Variants in MUC4 observed in about 807,000 individuals in gnomAD.
The protein encoded by MUC4 is mucin 4, cell surface associated, also known as mucin-4.
In MUC4, 202 loss-of-function variants were observed where a neutral mutation model predicts 257.9. The observed-to-expected ratio is 0.78, with a 90% CI of 0.70 to 0.88. The LOEUF is 0.88. Among genes scored for constraint, MUC4 ranks in the 40% least tolerant of loss-of-function variants. MUC4 has a pLI of 0.00. For synonymous variants in MUC4, 2,351 were observed against 2,757.1 expected, an observed-to-expected ratio of 0.85 and a Z score of 4.62; for missense variants, 5,976 against 6,513.7, an observed-to-expected ratio of 0.92 and a Z score of 2.84.
At chr3:195,806,718 G>A (rs1391175179) in intron 1 of MUC4, among the ~76,000 whole-genome samples, 1 of 152,224 alleles carries the variant, frequency 6.6e-6, no homozygotes, top group African/African-American at 2.4e-5. Flanking sequence ...GCTGTGTGCT[G>A]CAGTGAGTCA....
At chr3:195,765,911 G>A (rs190672864) in intron 8 of MUC4, among the ~76,000 whole-genome samples, 75 of 152,130 alleles carry the variant, frequency 4.9e-4, no homozygotes, top group African/African-American at 1.8e-3. Context: ...GCACACGGCA[G>A]GTGCCCAGTA....
chr3:195,788,588 C>G lies in MUC4; in HGVS notation c.2992G>C (p.Ala998Pro), dbSNP rs201513283. The stretch of plus-strand genomic sequence containing the variant: ...GCGTGACCTGTGGATACTGAGGAAG[C>G]ATCGGTGACATGAAGAGGGGTGGTG... ...GHTTPLHVTD[A>P]SSVSTGHATP... The change falls in exon 2 of 25, where the codon GCT becomes CCT. Residue 998 changes from alanine to proline, a missense_variant. Around this residue, in one of 44 missense-constraint regions of MUC4, gnomAD observed 1,583 missense variants for 1,257.4 expected, o/e 1.26. Coordinates refer to ENST00000463781, the MANE Select transcript of MUC4 (RefSeq NM_018406.7). 3.1e-6 allele frequency: 3 copies of G among 962,406 alleles called. No homozygotes were observed. The highest frequency in any genetic ancestry group is 4.0e-6 in the Non-Finnish European group (3 of 749,344). The allele number at this position is 962,406 out of a possible 1,614,324, so 59.6% of individuals were successfully genotyped here.
chr3:195,772,105 G>A (rs1723011096), intron 4 of MUC4, among the ~76,000 whole-genome samples: 1 of 152,144 alleles, frequency 6.6e-6, no homozygotes, highest in African/African-American at 2.4e-5. Context: ...ACCCCTCTTG[G>A]CCAGTCCCCT....
Position 195,764,028 on chromosome 3 carries a change from T to C in MUC4, c.14044+17A>G. The C allele has an allele frequency of 6.2e-7, 1 of 1,606,588 alleles. No homozygotes were observed. Among genetic ancestry groups the C allele is most frequent in the Non-Finnish European group, 8.5e-7 (1 of 1,176,940 alleles). ...CCTCCCCAGAGGCTCTTCCTGGGCCTGGGCCCTGTCGCTCACCGGGCTGTG... is the reference window on the plus strand; with the variant it reads ...CCTCCCCAGAGGCTCTTCCTGGGCCCGGGCCCTGTCGCTCACCGGGCTGTG... On this transcript the variant is annotated intron_variant, in intron 11 of 24. Coordinates refer to ENST00000463781, the MANE Select transcript of MUC4 (RefSeq NM_018406.7).
intron 1 of MUC4, among the ~76,000 whole-genome samples, chr3:195,794,765 G>A (rs890939857): frequency 6.6e-5 from 10 of 152,182 alleles, no homozygotes; most frequent in African/African-American, 2.2e-4. Context: ...GGAATTGACT[G>A]TAATTCGCCA....
rs78009073 is a variant in MUC4, at chr3:195,787,453, G to C, written c.4127C>G (p.Pro1376Arg). 1.6e-6 allele frequency: 1 copy of C among 609,042 alleles called. No homozygotes were observed. Among genetic ancestry groups the C allele is most frequent in the Non-Finnish European group, 2.3e-6 (1 of 428,440 alleles). The allele number at this position is 609,042 out of a possible 1,614,324, so 37.7% of individuals were successfully genotyped here. A position where few individuals can be genotyped will look rare whatever the true frequency, so the allele number is the denominator to read the frequency against. ...ASSASTGQAT[P>R]LPVTSLSSVS... ...TGAGGAAAGGCTGGTGACAGGAAGA[G>C]GGGTGGCCTGACCTGTGGATGCTGA... Residue 1376 changes from proline to arginine, a missense_variant, in exon 2 of 25, where the codon CCT becomes CGT. Physicochemically the swap from Pro to Arg is moderately radical, Grantham distance 103. Around this residue, in one of 44 missense-constraint regions of MUC4, gnomAD observed 58 missense variants for 65.4 expected, o/e 0.89. Coordinates refer to ENST00000463781, the MANE Select transcript of MUC4 (RefSeq NM_018406.7).
In MUC4 at chr3:195,787,360, G is replaced by T; in HGVS notation, c.4220C>A (p.Thr1407Asn). 3 of 738,650 alleles carry T rather than the reference G, an allele frequency of 4.1e-6. No homozygotes were observed. The highest frequency in any genetic ancestry group is 3.9e-6 in the Non-Finnish European group (2 of 511,482). The allele number at this position is 738,650 out of a possible 1,614,324, so 45.8% of individuals were successfully genotyped here. A position where few individuals can be genotyped will look rare whatever the true frequency, so the allele number is the denominator to read the frequency against. ...SPSSASTGHA[T>N]PLLVTDTSSA... ...GGAAGTGTCGGTGACAAGAAGAGGGGTGGCGTGACCTGTGGATGCTGAGGA... is the reference window on the plus strand; with the variant it reads ...GGAAGTGTCGGTGACAAGAAGAGGGTTGGCGTGACCTGTGGATGCTGAGGA... Residue 1407 changes from threonine (T) to asparagine (N), a missense_variant, in exon 2 of 25, where the codon ACC becomes AAC. Coordinates refer to ENST00000463781, the MANE Select transcript of MUC4 (RefSeq NM_018406.7).
chr3:195,789,203 A>G lies in MUC4; in HGVS notation c.2377T>C (p.Ser793Pro), dbSNP rs549398506. 1.2e-6 allele frequency: 2 copies of G among 1,613,576 alleles called. No homozygotes were observed. Among genetic ancestry groups the G allele is most frequent in the African/African-American group, 2.7e-5 (2 of 74,812 alleles). Residue 793 changes from serine (S) to proline (P), a missense_variant, in exon 2 of 25, where the codon TCA (serine) becomes CCA (proline). This residue lies in a region of MUC4 where 1,583 missense variants were observed against 1,257.4 expected (regional missense o/e 1.26). Coordinates refer to ENST00000463781, the MANE Select transcript of MUC4 (RefSeq NM_018406.7). Reference protein sequence around the residue: ...GQTQTSEPASSGSRTTSAGTA... With the variant: ...GQTQTSEPASPGSRTTSAGTA... ...CCCGCTGAGGTGGTTCGTGACCCTG[A>G]GGAGGCCGGTTCGCTGGTCTGTGTT...
chr3:195,802,380 T>TCGGCACCCCTGCTCTCAGCCTCCA (rs1553890514), intron 1 of MUC4, among the ~76,000 whole-genome samples: 1 of 33,946 alleles, frequency 2.9e-5, no homozygotes, highest in African/African-American at 8.2e-5. Flanking sequence ...TGACTCGGGT[T>TCGGCACCCCTGCTCTCAGCCTCCA]CCGCACCCCT....
chr3:195,767,041 T>G (rs972062988), intron 7 of MUC4, among the ~76,000 whole-genome samples: 9 of 151,816 alleles, frequency 5.9e-5, no homozygotes, highest in African/African-American at 1.9e-4. Flanking sequence ...AACAACAGAG[T>G]TCAGGCCTCA....
intron 7 of MUC4, among the ~76,000 whole-genome samples, chr3:195,767,814 TCACCACCAC>T (rs1221256353): frequency 4.0e-4 from 17 of 42,896 alleles, no homozygotes; most frequent in Middle Eastern, 0.012. Context: ...ATCACCACCA[TCACCACCAC>T]CACCACCATC....
intron 4 of MUC4, among the ~76,000 whole-genome samples, chr3:195,773,189 C>T (rs1723507229): frequency 6.7e-6 from 1 of 148,292 alleles, no homozygotes; most frequent in African/African-American, 2.5e-5. Flanking sequence ...GTGCAGACAC[C>T]CCATCTCCAT....
At position 195,763,440 on chromosome 3, in the gene MUC4, G is replaced by A. The variant is rs1719692081; in HGVS notation, c.14246C>T (p.Pro4749Leu). 7.1e-7 allele frequency: 1 copy of A among 1,415,300 alleles called. No homozygotes were observed. Among genetic ancestry groups the A allele is most frequent in the South Asian group, 1.6e-5 (1 of 60,742 alleles). 87.7% of individuals were successfully genotyped at this position (1,415,300 alleles called of 1,614,324 possible). Residue 4749 changes from proline (P) to leucine (L), a missense_variant, in exon 12 of 25, where the codon CCC becomes CTC. This residue lies in a region of MUC4 where 996 missense variants were observed against 1,137.3 expected (regional missense o/e 0.88). Transcript: ENST00000463781. ...CCGGCACCCCTCACTCACCGTGACG[G>A]GGCCCAGGCTGCTGGAGCGGTACTG... ...AAQYRSSSLG[P>L]VTVQWLLEPH...
Position 195,779,725 on chromosome 3 carries a change from G to A in MUC4, c.11855C>T (p.Pro3952Leu). The A allele has an allele frequency of 7.2e-7, 1 of 1,389,708 alleles. No homozygotes were observed. The highest frequency in any genetic ancestry group is 1.7e-5 in the African/African-American group (1 of 57,314). The allele number at this position is 1,389,708 out of a possible 1,614,324, so 86.1% of individuals were successfully genotyped here. Reference protein sequence around the residue: ...TSSASTGDTTPLPVTDTSSVS... With the variant: ...TSSASTGDTTLLPVTDTSSVS... ...TGAGGAAGTGTCGGTGACAGGAAGA[G>A]GGGTGGTGTCACCTGTGGATGCTGA... The change falls in exon 2 of 25, where the codon CCT becomes CTT. Residue 3952 changes from proline to leucine, a missense_variant. Transcript: ENST00000463781.
In MUC4 at chr3:195,789,707, T is replaced by C. The variant is rs1300849030; in HGVS notation, c.1873A>G (p.Ser625Gly). The part of the protein sequence containing the change: ...STNHSTIHST[S>G]TSPQESPAVS... The stretch of plus-strand genomic sequence containing the variant: ...GCTGGTGATTCCTGAGGAGAGGTGC[T>C]TGTGGAATGTATTGTTGAATGATTT... Residue 625 changes from serine (S) to glycine (G), a missense_variant, in exon 2 of 25, where the codon AGC (serine) becomes GGC (glycine). Around this residue, in one of 44 missense-constraint regions of MUC4, gnomAD observed 1,583 missense variants for 1,257.4 expected, o/e 1.26. Coordinates refer to ENST00000463781, the MANE Select transcript of MUC4 (RefSeq NM_018406.7). 1 of 1,613,976 alleles carries C rather than the reference T, an allele frequency of 6.2e-7. No individual in the cohort carries two copies. The highest frequency in any genetic ancestry group is 1.1e-5 in the South Asian group (1 of 91,080).
At position 195,783,213 on chromosome 3, in the gene MUC4, G is replaced by C. The variant is rs1560340689; in HGVS notation, c.8367C>G (p.Ser2789Arg). ...TGHATPLHVT[S>R]PSSASTGHTT... ...TGTGACCTGTGGATGCTGAGGAAGG[G>C]CTGGTGACATGAAGAGGGGTGGCGT... The change falls in exon 2 of 25, where the codon AGC becomes AGG. Residue 2789 changes from serine (S) to arginine (R), a missense_variant. Physicochemically the swap from Ser to Arg is moderately radical, Grantham distance 110 (BLOSUM62 -1). Transcript: ENST00000463781. 2.2e-6 allele frequency: 3 copies of C among 1,383,052 alleles called. No individual in the cohort carries two copies. The highest frequency in any genetic ancestry group is 1.5e-5 in the African/African-American group (1 of 67,740). The allele number at this position is 1,383,052 out of a possible 1,614,324, so 85.7% of individuals were successfully genotyped here.
In MUC4 at chr3:195,764,089, C is replaced by T. The variant is rs770165875; in HGVS notation, c.14000G>A (p.Arg4667Lys). ...TGTAGCACAGCCCACGTGGGGCCGC[C>T]TCTGCTGGTACAGGGCACAGAGGTA... ...KPYLCALYQQ[R>K]RPHVGCATYR... is the part of the protein sequence containing the mutation. The change falls in exon 11 of 25, where the codon AGG (arginine) becomes AAG (lysine). Residue 4667 changes from arginine to lysine, a missense_variant. Transcript: ENST00000463781. The T allele has an allele frequency of 6.2e-7, 1 of 1,609,086 alleles. No homozygotes were observed. The highest frequency in any genetic ancestry group is 8.5e-7 in the Non-Finnish European group (1 of 1,178,372).
chr3:195,794,947 G>A (rs1014159037), intron 1 of MUC4, among the ~76,000 whole-genome samples: 8 of 152,142 alleles, frequency 5.3e-5, no homozygotes, highest in South Asian at 2.1e-4. Flanking sequence ...GGGCTGAACC[G>A]CAGAGCCCTC....
chr3:195,769,897 A>G (rs973543838), intron 6 of MUC4, among the ~76,000 whole-genome samples: 1 of 152,220 alleles, frequency 6.6e-6, no homozygotes, highest in African/African-American at 2.4e-5. Flanking sequence ...GGAGCATAAT[A>G]CCAGACTGAG....
Sources: allele counts gnomAD v4.1 joint callset (sites outside exome capture counted in the v4.1 genomes callset), GRCh38; gene constraint gnomAD v4.1.1; regional missense constraint gnomAD v4.1.1; transcripts MANE v1.5; gene names NCBI Gene and HGNC (gene_info 2026-07-23, HGNC 2026-07-21).